Variants in RIMS1 observed in about 807,000 individuals in gnomAD.
RIMS1 encodes regulating synaptic membrane exocytosis protein 1.
In RIMS1, 83 loss-of-function variants were observed where a neutral mutation model predicts 214.1. The observed-to-expected ratio is 0.39, with a 90% CI of 0.32 to 0.47. The LOEUF is 0.47. RIMS1 is among the 20% of genes least tolerant of loss of function. The pLI, the probability that RIMS1 is intolerant of heterozygous loss-of-function variation, is 0.99. For synonymous variants in RIMS1, 793 were observed against 786.8 expected (o/e 1.01, Z -0.13); for missense variants, 2,050 against 2,161.8 (o/e 0.95, Z 1.03).
At chr6:72,027,238 G>A (rs58419607) in intron 2 of RIMS1, among the ~76,000 whole-genome samples, 1,855 of 152,114 alleles carry the variant, frequency 0.012, 40 homozygotes, top group African/African-American at 0.041. Context: ...AGATGAACCC[G>A]GAACCTGAGC....
intron 28 of RIMS1, among the ~76,000 whole-genome samples, chr6:72,314,116 A>G (rs1482415293): frequency 6.6e-6 from 1 of 152,144 alleles, no homozygotes; most frequent in African/African-American, 2.4e-5. Flanking sequence ...AGACATCCCT[A>G]GTTACGTTAT....
intron 1 of RIMS1, among the ~76,000 whole-genome samples, chr6:71,920,618 C>G (rs1345442896): frequency 1.3e-5 from 2 of 152,128 alleles, no homozygotes; most frequent in Admixed American, 1.3e-4. Context: ...CTCATTCCAT[C>G]AATGTTTTTA....
chr6:72,098,440 G>A (rs2032546739), intron 3 of RIMS1, among the ~76,000 whole-genome samples: 1 of 151,928 alleles, frequency 6.6e-6, no homozygotes, highest in African/African-American at 2.4e-5. Flanking sequence ...GATTACAGGT[G>A]GCTGCCACCA....
intron 6 of RIMS1, among the ~76,000 whole-genome samples, chr6:72,202,873 T>C (rs1029703720): frequency 1.3e-5 from 2 of 152,204 alleles, no homozygotes; most frequent in Admixed American, 6.5e-5. Flanking sequence ...AACCTGGAAA[T>C]AATAATTGCA....
At chr6:71,913,012 G>A (rs1489737588) in intron 1 of RIMS1, among the ~76,000 whole-genome samples, 1 of 152,098 alleles carries the variant, frequency 6.6e-6, no homozygotes, top group Non-Finnish European at 1.5e-5. Flanking sequence ...CTAATCAGGT[G>A]TGGTTTGAAC....
At chr6:72,159,581 A>G (rs1205868756) in intron 4 of RIMS1, among the ~76,000 whole-genome samples, 5 of 140,494 alleles carry the variant, frequency 3.6e-5, no homozygotes, top group Admixed American at 2.2e-4. Context: ...GTGTAAGGAA[A>G]GGATCCAGTT....
intron 6 of RIMS1, chr6:72,217,189 A>T (rs1442573615): frequency 2.0e-6 from 3 of 1,536,732 alleles, no homozygotes; most frequent in Non-Finnish European, 2.6e-6. Flanking sequence ...TGCTGCTGTT[A>T]TGTTTGCTGG....
At chr6:71,890,568 T>C (rs963744189) in intron 1 of RIMS1, among the ~76,000 whole-genome samples, 1 of 39,502 alleles carries the variant, frequency 2.5e-5, no homozygotes, top group Non-Finnish European at 4.6e-5. Flanking sequence ...TACTCCTTTT[T>C]GTAAAAAAAA....
intron 1 of RIMS1, among the ~76,000 whole-genome samples, chr6:71,890,697 A>T (rs2096258): frequency 0.012 from 1,838 of 152,154 alleles, 16 homozygotes; most frequent in South Asian, 0.041. Context: ...ATATTGGAAT[A>T]TAATGTAAAT....
At chr6:72,008,151 A>G (rs1448147031) in intron 2 of RIMS1, among the ~76,000 whole-genome samples, 4 of 152,234 alleles carry the variant, frequency 2.6e-5, no homozygotes, top group African/African-American at 9.6e-5. Flanking sequence ...AAGCCAGAAG[A>G]GAGTGGGGAC....
chr6:72,231,928 G>A (rs2062116963), intron 6 of RIMS1, among the ~76,000 whole-genome samples: 1 of 151,602 alleles, frequency 6.6e-6, no homozygotes, highest in South Asian at 2.1e-4. Flanking sequence ...GGGTTGAACC[G>A]CCATATGAGA....
At chr6:72,263,554 C>G (rs2078996762) in intron 19 of RIMS1, 1 of 984,698 alleles carries the variant, frequency 1.0e-6, no homozygotes, top group Non-Finnish European at 1.2e-6. Context: ...TGATCCCATT[C>G]TTGAAAAAAA....
At chr6:71,979,414 G>A (rs1424126075) in intron 2 of RIMS1, among the ~76,000 whole-genome samples, 1 of 152,080 alleles carries the variant, frequency 6.6e-6, no homozygotes, top group East Asian at 1.9e-4. Context: ...GCAGGACAGG[G>A]GAAGATAACT....
At chr6:72,056,633 C>T (rs1471011864) in intron 2 of RIMS1, among the ~76,000 whole-genome samples, 1 of 152,064 alleles carries the variant, frequency 6.6e-6, no homozygotes, top group African/African-American at 2.4e-5. Flanking sequence ...CCATGCCAGC[C>T]CTATGAGTGC....
At chr6:72,392,671 CT>C in intron 30 of RIMS1, 26 bp from the exon 31 acceptor site, 1 of 1,500,710 alleles carries the variant, frequency 6.7e-7, no homozygotes, top group Non-Finnish European at 9.3e-7. Flanking sequence ...GGGTTTTTTC[CT>C]TTGGTTTTTA....
At chr6:72,112,480 T>C (rs1237265405) in intron 4 of RIMS1, among the ~76,000 whole-genome samples, 1 of 152,132 alleles carries the variant, frequency 6.6e-6, no homozygotes, top group South Asian at 2.1e-4. Flanking sequence ...ACACCCTGCA[T>C]CATCTGTACT....
intron 2 of RIMS1, among the ~76,000 whole-genome samples, chr6:71,973,606 T>C (rs1796424758): frequency 6.6e-6 from 1 of 152,174 alleles, no homozygotes; most frequent in Non-Finnish European, 1.5e-5. Flanking sequence ...GTCCAGTTTA[T>C]TCCTACCAAG....
chr6:72,316,831 C>T (rs6924335), intron 28 of RIMS1: 66,321 of 941,862 alleles, frequency 0.07, 3,209 homozygotes, highest in Non-Finnish European at 0.082. Context: ...GGCATTACCA[C>T]ATTGGGAGTG....
chr6:71,933,114 G>C (rs1404635408), intron 1 of RIMS1, among the ~76,000 whole-genome samples: 1 of 152,148 alleles, frequency 6.6e-6, no homozygotes, highest in Non-Finnish European at 1.5e-5. Context: ...GAATGGGAGA[G>C]TGGGGAGTAA....
Sources: allele counts gnomAD v4.1 joint callset (sites outside exome capture counted in the v4.1 genomes callset), GRCh38; gene constraint gnomAD v4.1.1; transcripts MANE v1.5; gene names NCBI Gene and HGNC (gene_info 2026-07-23, HGNC 2026-07-21).